Variants in PCF11 observed in about 807,000 individuals in gnomAD.
PCF11 encodes the protein pre-mRNA cleavage complex 2 protein Pcf11.
In PCF11, 19 loss-of-function variants were observed where a neutral mutation model predicts 166.1. That is an observed-to-expected ratio of 0.11 (90% CI 0.08 to 0.17). The LOEUF is 0.17. Ranked by LOEUF, PCF11 falls within the 10% of genes least tolerant of loss-of-function variation. The pLI, the probability that PCF11 is intolerant of heterozygous loss-of-function variation, is 1.00. For missense variants in PCF11, 1,565 were observed against 1,855.5 expected (o/e 0.84, Z 2.88); for synonymous variants, 663 against 644.1 (o/e 1.03, Z -0.44).
intron 2 of PCF11, 54 bp from the exon 3 acceptor site, chr11:83,163,625 T>C (rs1175140677): frequency 1.7e-6 from 1 of 585,396 alleles, no homozygotes; most frequent in Non-Finnish European, 2.7e-6. Flanking sequence ...ATATTTAATA[T>C]ATAAAATATT....
intron 5 of PCF11, 125 bp downstream of exon 5, chr11:83,166,839 C>T: frequency 1.2e-6 from 1 of 820,084 alleles, no homozygotes; most frequent in Non-Finnish European, 1.9e-6. Context: ...ATTCTTACAT[C>T]TCTGTGGGTT....
chr11:83,168,584 C>A, exon 8 of PCF11: 1 of 1,613,926 alleles, frequency 6.2e-7, no homozygotes, highest in Non-Finnish European at 8.5e-7. Flanking sequence ...GAAGACAGAC[C>A]GTTATTTGAT....
At chr11:83,163,827 C>T (rs905059253) in exon 3 of PCF11, 8 of 1,556,392 alleles carry the variant, frequency 5.1e-6, no homozygotes, top group South Asian at 1.2e-5. Context: ...AATGTGAATA[C>T]GTCTAGCATC....
intron 9 of PCF11, among the ~76,000 whole-genome samples, chr11:83,172,121 A>C (rs1860710706): frequency 6.6e-6 from 1 of 152,196 alleles, no homozygotes; most frequent in African/African-American, 2.4e-5. Flanking sequence ...ACAGCTAGAG[A>C]TGGTTAGCGG....
chr11:83,161,965 G>A (rs2135417274), intron 2 of PCF11, among the ~76,000 whole-genome samples: 1 of 152,268 alleles, frequency 6.6e-6, no homozygotes, highest in South Asian at 2.1e-4. Flanking sequence ...GGTGAATGTT[G>A]TTGGTATGTG....
chr11:83,161,471 A>G lies in PCF11; in HGVS notation c.318+19A>G. ...TGAAAAGGTACATATGCATTTAGAA[A>G]CATTTGCGTTTTTTTTTAAAAAATG... is the stretch of plus-strand genomic sequence containing the variant. On this transcript the variant is annotated intron_variant, in intron 2 of 15. Transcript: ENST00000298281. 2 of 1,524,116 alleles carry G rather than the reference A, an allele frequency of 1.3e-6. No homozygotes were observed. Among genetic ancestry groups the G allele is most frequent in the Non-Finnish European group, 1.8e-6 (2 of 1,139,440 alleles). 94.4% of individuals were successfully genotyped at this position (1,524,116 alleles called of 1,614,324 possible). A position where few individuals can be genotyped will look rare whatever the true frequency, so the allele number is the denominator to read the frequency against.
In PCF11 at chr11:83,166,071, A is replaced by G. The variant is rs759702744; in HGVS notation, c.1174A>G (p.Met392Val). The change falls in exon 5 of 16, where the codon ATG (methionine) becomes GTG (valine). Residue 392 changes from methionine to valine, a missense_variant. Met to Val is a conservative substitution (Grantham distance 21, BLOSUM62 1). Around this residue, in one of 12 missense-constraint regions of PCF11, gnomAD observed 468 missense variants for 483.4 expected, o/e 0.97. Transcript: ENST00000298281. ...CTTGAAAAATCAAGAATCGGAAAGTATGAGGTTGTCTGATATGAACAAGAG... is the reference window on the plus strand; with the variant it reads ...CTTGAAAAATCAAGAATCGGAAAGTGTGAGGTTGTCTGATATGAACAAGAG... 5.0e-6 allele frequency: 8 copies of G among 1,610,252 alleles called. No homozygotes were observed. The African/African-American group carries it at 1.1e-4, about 22-fold the overall frequency.
chr11:83,161,211 A>C (rs558438111), intron 1 of PCF11, 116 bp from the exon 2 acceptor site: 1 of 760,176 alleles, frequency 1.3e-6, no homozygotes. Context: ...GATTACTTCA[A>C]AAATATTTAG....
rs1429717968 is a variant in PCF11 at position 83,177,869 on chromosome 11, A to G, written c.3983+50A>G. 31 of 778,154 alleles carry G rather than the reference A, an allele frequency of 4.0e-5. No individual in the cohort carries two copies. In the East Asian group the frequency reaches 8.7e-4, roughly 22 times the overall value. The allele number at this position is 778,154 out of a possible 1,614,324, so 48.2% of individuals were successfully genotyped here. On this transcript the variant is annotated intron_variant, in intron 11 of 15. Coordinates refer to ENST00000298281, the Ensembl canonical transcript of PCF11. ...ATAAAGAGGCAGTGACTTTAATAACACTGTTATAGTGGACATTGTTACTAT... is the reference window on the plus strand; with the variant it reads ...ATAAAGAGGCAGTGACTTTAATAACGCTGTTATAGTGGACATTGTTACTAT...
chr11:83,167,561 A>G lies in PCF11; in HGVS notation c.2092+56A>G. On this transcript the variant is annotated intron_variant, in intron 7 of 15. Coordinates refer to ENST00000298281, the Ensembl canonical transcript of PCF11. The surrounding 1 kb of genome is among the most constrained non-coding windows in gnomAD (Gnocchi z 4.2). ...CTACAGAAGAAAATAAAGGTGGATT[A>G]AAAAAGAAACCTCTCTTATCTGATG... 1.3e-6 allele frequency: 2 copies of G among 1,573,474 alleles called. No individual in the cohort carries two copies. The highest frequency in any genetic ancestry group is 1.7e-6 in the Non-Finnish European group (2 of 1,158,676).
At chr11:83,161,772 C>A (rs1339922984) in intron 2 of PCF11, among the ~76,000 whole-genome samples, 1 of 152,142 alleles carries the variant, frequency 6.6e-6, no homozygotes, top group Non-Finnish European at 1.5e-5. Context: ...CTGAAATCGT[C>A]AAGAGTAATT....
chr11:83,176,043 G>T (rs991697899), intron 9 of PCF11, among the ~76,000 whole-genome samples: 6 of 152,136 alleles, frequency 3.9e-5, no homozygotes, highest in African/African-American at 1.4e-4. Context: ...TTACGTCAGG[G>T]AGCATTGAGG....
exon 3 of PCF11, chr11:83,163,759 C>A: frequency 6.3e-7 from 1 of 1,593,910 alleles, no homozygotes; most frequent in Non-Finnish European, 8.6e-7. Context: ...AACTTTATGC[C>A]CTGGATGTCA....
intron 8 of PCF11, among the ~76,000 whole-genome samples, chr11:83,170,541 G>A (rs1299715446): frequency 6.6e-6 from 1 of 151,984 alleles, no homozygotes; most frequent in African/African-American, 2.4e-5. Flanking sequence ...TGACAACATA[G>A]CGAATAGCCT....
exon 16 of PCF11, chr11:83,184,900 A>C: frequency 6.6e-7 from 1 of 1,518,290 alleles, no homozygotes; most frequent in African/African-American, 1.4e-5. Context: ...TTTAAATAAA[A>C]TGAGAAAGGT....
At chr11:83,169,952 T>C in exon 8 of PCF11, 2 of 1,605,174 alleles carry the variant, frequency 1.2e-6, no homozygotes, top group Non-Finnish European at 1.7e-6. Context: ...TTTGGCAATA[T>C]ACCTGCTCCA....
At chr11:83,157,411 A>G (rs978758043) in exon 1 of PCF11, 2 of 1,596,384 alleles carry the variant, frequency 1.3e-6, no homozygotes, top group Non-Finnish European at 1.7e-6. Flanking sequence ...CTTCAGCTGC[A>G]GCGGACCTCG....
In PCF11 at chr11:83,183,082, T is replaced by A; in HGVS notation, c.4452+9T>A. 6.9e-7 allele frequency: 1 copy of A among 1,457,246 alleles called. No homozygotes were observed. Among genetic ancestry groups the A allele is most frequent in the Non-Finnish European group, 9.4e-7 (1 of 1,059,500 alleles). The allele number at this position is 1,457,246 out of a possible 1,614,324, so 90.3% of individuals were successfully genotyped here. A position where few individuals can be genotyped will look rare whatever the true frequency, so the allele number is the denominator to read the frequency against. Reference sequence around the variant, plus strand: ...ATGAAGATTATCAAAATGTAAGTTCTTTTTGGTTACTGTATTTGTTCTCAT... The same window carrying A: ...ATGAAGATTATCAAAATGTAAGTTCATTTTGGTTACTGTATTTGTTCTCAT... On this transcript the variant is annotated intron_variant, in intron 15 of 15. Transcript: ENST00000298281.
exon 4 of PCF11, chr11:83,164,273 C>A: frequency 6.2e-7 from 1 of 1,613,630 alleles, no homozygotes; most frequent in Non-Finnish European, 8.5e-7. Flanking sequence ...TCCAATTGTT[C>A]CTGATATACA....
Sources: gnomAD v4.1 joint callset for allele counts (sites outside exome capture counted in the v4.1 genomes callset) on GRCh38, gnomAD v4.1.1 for gene constraint, gnomAD v4.1.1 regional missense constraint, Gnocchi (gnomAD v3.1) non-coding constraint, MANE v1.5 for transcripts, NCBI Gene and HGNC (gene_info 2026-07-23, HGNC 2026-07-21) for gene names.